Variants in CD82 observed in about 807,000 individuals in gnomAD.
CD82 encodes the protein CD82 molecule, also known as CD82 antigen.
Under a neutral mutation model 37.4 loss-of-function variants are expected in CD82, and 36 were observed. The ratio of observed to expected loss-of-function variants is 0.96; its 90% CI spans 0.74 to 1.27. The LOEUF is 1.27. Among genes scored for constraint, CD82 ranks in the 50% most tolerant of loss-of-function variants. The pLI is 0.00. For synonymous variants in CD82, 158 were observed against 137.4 expected, an observed-to-expected ratio of 1.15 and a Z score of -1.05; for missense variants, 340 against 347.0, an observed-to-expected ratio of 0.98 and a Z score of 0.16.
chr11:44,584,907 T>G (rs933807500), intron 1 of CD82, among the ~76,000 whole-genome samples: 4 of 152,204 alleles, frequency 2.6e-5, no homozygotes, highest in African/African-American at 9.6e-5. Context: ...AGAACCAGCT[T>G]GCAGGTGGAG....
At chr11:44,567,918 G>A (rs1261469508) in intron 1 of CD82, among the ~76,000 whole-genome samples, 1 of 152,250 alleles carries the variant, frequency 6.6e-6, no homozygotes, top group Admixed American at 6.5e-5. Flanking sequence ...CTAGGCAGAG[G>A]CAGGGAGGTC....
intron 6 of CD82, among the ~76,000 whole-genome samples, 200 bp downstream of exon 6, chr11:44,605,629 G>T (rs989384985): frequency 2.0e-5 from 3 of 152,140 alleles, no homozygotes; most frequent in African/African-American, 7.2e-5. Context: ...GGCAGTCCCC[G>T]CTGGGCCTGG....
chr11:44,611,655 TCTC>T (rs1853483532), intron 6 of CD82, among the ~76,000 whole-genome samples: 1 of 152,144 alleles, frequency 6.6e-6, no homozygotes, highest in Non-Finnish European at 1.5e-5. Flanking sequence ...ATGAATGTCT[TCTC>T]CTGCTACCTC....
Position 44,618,208 on chromosome 11 carries a change from C to T in CD82, c.485C>T (p.Ala162Val), listed in dbSNP as rs1163600849. 6.2e-7 allele frequency: 1 copy of T among 1,614,104 alleles called. No homozygotes were observed. The highest frequency in any genetic ancestry group is 8.5e-7 in the Non-Finnish European group (1 of 1,180,036). Residue 162 changes from alanine (A) to valine (V), a missense_variant, in exon 8 of 10, where the codon GCT becomes GTT. By Grantham distance (64) the Ala-to-Val change is moderately conservative. Coordinates refer to ENST00000227155, the MANE Select transcript of CD82 (RefSeq NM_002231.4). ...AGCTTCTACAACTGGACAGACAACG[C>T]TGAGCTCATGAATCGCCCTGAGGTC... ...WVSFYNWTDNAELMNRPEVTY... is the reference protein window; with the variant it reads ...WVSFYNWTDNVELMNRPEVTY...
chr11:44,598,941 T>G (rs1853268759), intron 3 of CD82, among the ~76,000 whole-genome samples: 1 of 152,206 alleles, frequency 6.6e-6, no homozygotes, highest in African/African-American at 2.4e-5. Context: ...GCCAGCCTTG[T>G]GGGTTGACAC....
intron 1 of CD82, among the ~76,000 whole-genome samples, chr11:44,582,489 C>T (rs1294257182): frequency 6.6e-6 from 1 of 152,136 alleles, no homozygotes; most frequent in Admixed American, 6.5e-5. Flanking sequence ...CTTGGAGGGT[C>T]CTAGATAGTC....
At position 44,594,637 on chromosome 11, in the gene CD82, T is replaced by C. The variant is rs370585854; in HGVS notation, c.-20-6T>C. ...CTCACTGGCCTGCCTGCCTTCTCTC[T>C]TCCAGGAAGCTCCAGGACTGGCGGG... On this transcript the variant is annotated splice_region_variant and splice_polypyrimidine_tract_variant and intron_variant, in intron 2 of 9. Coordinates refer to ENST00000227155, the MANE Select transcript of CD82 (RefSeq NM_002231.4). 29 of 1,602,084 alleles carry C rather than the reference T, an allele frequency of 1.8e-5. 1 individual carries two copies. The highest frequency in any genetic ancestry group is 2.5e-5 in the Non-Finnish European group (29 of 1,169,014).
chr11:44,619,156 G>C lies in CD82; in HGVS notation c.*30G>C. 1 of 1,575,490 alleles carries C rather than the reference G, an allele frequency of 6.3e-7. No individual in the cohort carries two copies. Among genetic ancestry groups the C allele is most frequent in the Non-Finnish European group, 8.7e-7 (1 of 1,145,016 alleles). ...GCTGCTATCCCCATCTCCCTGCCTG[G>C]CCCCCAACCTCAGGGCTCCCAGGGG... On this transcript the variant is annotated 3_prime_UTR_variant, in exon 10 of 10. Transcript: ENST00000227155.
rs377535419 is a variant in CD82 at position 44,600,198 on chromosome 11, T to C, written c.104T>C (p.Leu35Pro). ...ATCCTGGGCTTCGGGGTGTGGATCC[T>C]GGCCGACAAGAGCAGTTTCATCTCT... ...AVILGFGVWILADKSSFISVL... is the reference protein window; with the variant it reads ...AVILGFGVWIPADKSSFISVL... Residue 35 changes from leucine (L) to proline (P), a missense_variant, in exon 4 of 10, where the codon CTG becomes CCG. By Grantham distance (98) the Leu-to-Pro change is moderately conservative. Transcript: ENST00000227155. 1 of 1,614,026 alleles carries C rather than the reference T, an allele frequency of 6.2e-7. No individual in the cohort carries two copies.
intron 1 of CD82, among the ~76,000 whole-genome samples, chr11:44,573,645 C>T (rs1590325709): frequency 6.6e-6 from 1 of 152,236 alleles, no homozygotes; most frequent in Non-Finnish European, 1.5e-5. Flanking sequence ...CATGGTTGAG[C>T]AAGTCTCCTT....
chr11:44,618,033 C>T (rs548576654), intron 7 of CD82, 129 bp from the exon 8 acceptor site: 63 of 705,582 alleles, frequency 8.9e-5, no homozygotes, highest in South Asian at 3.1e-4. Flanking sequence ...TATGATGGTT[C>T]GGCTGGGACC....
At chr11:44,580,579 G>A (rs1468881319) in intron 1 of CD82, among the ~76,000 whole-genome samples, 1 of 152,144 alleles carries the variant, frequency 6.6e-6, no homozygotes, top group Non-Finnish European at 1.5e-5. Flanking sequence ...CAGACGTGGT[G>A]GTGTGTGCCT....
At chr11:44,595,500 T>C (rs1853209976) in intron 3 of CD82, among the ~76,000 whole-genome samples, 1 of 151,360 alleles carries the variant, frequency 6.6e-6, no homozygotes, top group Non-Finnish European at 1.5e-5. Context: ...AACCCTATAG[T>C]GTTAAAAAAA....
upstream of CD82, chr11:44,564,516 G>C (rs545548167): frequency 6.6e-6 from 3 of 456,270 alleles, no homozygotes; most frequent in East Asian, 2.1e-4. Flanking sequence ...ATCTGCCTGA[G>C]GCTAGTCCTC....
At position 44,619,213 on chromosome 11, in the gene CD82, C is replaced by T. The variant is rs1853620215; in HGVS notation, c.*87C>T. 1 of 1,064,298 alleles carries T rather than the reference C, an allele frequency of 9.4e-7. No homozygotes were observed. Among genetic ancestry groups the T allele is most frequent in the Non-Finnish European group, 1.5e-6 (1 of 681,404 alleles). The allele number at this position is 1,064,298 out of a possible 1,614,324, so 65.9% of individuals were successfully genotyped here. The stretch of plus-strand genomic sequence containing the variant: ...TGGCTCCCTCCTCCAGGCCTGCCTC[C>T]CACTTCACTGCGAAGACCCTCTTGC... On this transcript the variant is annotated 3_prime_UTR_variant, in exon 10 of 10. Coordinates refer to ENST00000227155, the MANE Select transcript of CD82 (RefSeq NM_002231.4).
intron 7 of CD82, among the ~76,000 whole-genome samples, chr11:44,616,509 T>G (rs1386254304): frequency 3.9e-5 from 6 of 152,000 alleles, no homozygotes; most frequent in Non-Finnish European, 7.4e-5. Context: ...CCCTGGAAAG[T>G]CATTGGCTGG....
Position 44,619,174 on chromosome 11 carries a change from C to A in CD82, c.*48C>A. 6.8e-7 allele frequency: 1 copy of A among 1,470,698 alleles called. No homozygotes were observed. The highest frequency in any genetic ancestry group is 9.5e-7 in the Non-Finnish European group (1 of 1,049,174). 91.1% of individuals were successfully genotyped at this position (1,470,698 alleles called of 1,614,324 possible). ...CTGCCTGGCCCCCAACCTCAGGGCT[C>A]CCAGGGGTCTCCCTGGCTCCCTCCT... On this transcript the variant is annotated 3_prime_UTR_variant, in exon 10 of 10. Transcript: ENST00000227155.
In CD82 at chr11:44,618,703, G is replaced by T; in HGVS notation, c.706G>T (p.Val236Leu). 6.2e-7 allele frequency: 1 copy of T among 1,613,466 alleles called. No homozygotes were observed. The highest frequency in any genetic ancestry group is 1.1e-5 in the South Asian group (1 of 91,068). Residue 236 changes from valine (V) to leucine (L), a missense_variant, in exon 9 of 10, where the codon GTG (valine) becomes TTG (leucine). Val to Leu is a conservative substitution (Grantham distance 32). Coordinates refer to ENST00000227155, the MANE Select transcript of CD82 (RefSeq NM_002231.4). ...CCTGGGCATCATCCTCGGCGTGGGC[G>T]TGGGTGTGGCCATCATCGAGGTCTG... ...ENLGIILGVG[V>L]GVAIIELLGM...
At chr11:44,612,360 G>C (rs1430839003) in intron 6 of CD82, among the ~76,000 whole-genome samples, 1 of 152,162 alleles carries the variant, frequency 6.6e-6, no homozygotes, top group Non-Finnish European at 1.5e-5. Flanking sequence ...ATGAGGGAAT[G>C]GGGTGAATAC....
Sources: allele counts gnomAD v4.1 joint callset (sites outside exome capture counted in the v4.1 genomes callset), GRCh38; gene constraint gnomAD v4.1.1; transcripts MANE v1.5; gene names NCBI Gene and HGNC (gene_info 2026-07-23, HGNC 2026-07-21).